Variants in MARK3 observed in about 807,000 individuals in gnomAD.
MARK3 encodes the protein MAP/microtubule affinity-regulating kinase 3.
A neutral mutation model predicts 90.1 loss-of-function variants in MARK3; 46 were observed. That is an observed-to-expected ratio of 0.51 (90% CI 0.40 to 0.65). The LOEUF (loss-of-function observed/expected upper bound fraction) is 0.65. MARK3 is among the 30% of genes least tolerant of loss of function. The pLI is 0.00. For synonymous variants in MARK3, 321 were observed against 332.6 expected (o/e 0.97, Z 0.38); for missense variants, 818 against 947.2 (o/e 0.86, Z 1.79).
At chr14:103,459,796 G>A (rs1296696282) in intron 6 of MARK3, among the ~76,000 whole-genome samples, 3 of 151,468 alleles carry the variant, frequency 2.0e-5, no homozygotes, top group Non-Finnish European at 4.4e-5. Flanking sequence ...TTACAGATGT[G>A]AGCCATCGTA....
In MARK3 at chr14:103,466,334, C is replaced by CT. The variant is rs1566894978; in HGVS notation, c.898-3dup. Reference sequence around the variant, plus strand: ...TTTACTCTGCTAATGAACAGTTTACCTTTTTTAGCAAATCATGAAGGACAG... The same window carrying CT: ...TTTACTCTGCTAATGAACAGTTTACCTTTTTTTAGCAAATCATGAAGGACAG... On this transcript the variant is annotated splice_polypyrimidine_tract_variant and intron_variant, in intron 9 of 17. Transcript: ENST00000429436. The CT allele has an allele frequency of 6.3e-7, 1 of 1,592,006 alleles. No individual in the cohort carries two copies. The highest frequency in any genetic ancestry group is 8.6e-7 in the Non-Finnish European group (1 of 1,163,188).
chr14:103,478,188 G>T (rs1220404244), intron 13 of MARK3, among the ~76,000 whole-genome samples: 1 of 151,594 alleles, frequency 6.6e-6, no homozygotes, highest in African/African-American at 2.4e-5. Context: ...CCAGCTACTC[G>T]GGAGGCTAAG....
chr14:103,475,939 T>C (rs571159516), intron 13 of MARK3, among the ~76,000 whole-genome samples: 178 of 146,226 alleles, frequency 1.2e-3, no homozygotes, highest in African/African-American at 4.3e-3. Flanking sequence ...CGAGACTCCT[T>C]CTCAAAAAAA....
Position 103,485,184 on chromosome 14 carries a change from T to G in MARK3, c.1586+4694T>G, listed in dbSNP as rs2093904526. Among the ~76,000 whole-genome samples, 5 of 143,640 alleles carry G rather than the reference T, an allele frequency of 3.5e-5. No homozygotes were observed. In the South Asian group the frequency reaches 9.3e-4, roughly 27 times the overall value. The allele number at this position is 143,640 out of a possible 152,430, so 94.2% of individuals were successfully genotyped here. A position where few individuals can be genotyped will look rare whatever the true frequency, so the allele number is the denominator to read the frequency against. Reference sequence around the variant, plus strand: ...GGCAGAGGTTGCGGTGAGCCAAGATTGCACCATTGCACTCCAGCCTGGGCA... The same window carrying G: ...GGCAGAGGTTGCGGTGAGCCAAGATGGCACCATTGCACTCCAGCCTGGGCA... On this transcript the variant is annotated intron_variant, in intron 14 of 17. Transcript: ENST00000429436.
At chr14:103,479,666 CTT>C in intron 13 of MARK3, among the ~76,000 whole-genome samples, 1 of 75,214 alleles carries the variant, frequency 1.3e-5, no homozygotes, top group East Asian at 4.0e-4. Context: ...GAGTTTTGCT[CTT>C]GTTACACAGG....
chr14:103,503,540 G>A lies in MARK3; in HGVS notation c.*313G>A. ...GTATGTGTGTGAAGTGGTGTATATG[G>A]AAGCATCTCCCTACACTGGCAGCCA... On this transcript the variant is annotated 3_prime_UTR_variant, in exon 18 of 18. Transcript: ENST00000429436. The A allele has an allele frequency of 3.2e-6, 1 of 316,180 alleles. No homozygotes were observed. The highest frequency in any genetic ancestry group is 6.6e-5 in the East Asian group (1 of 15,088). 19.6% of individuals were successfully genotyped at this position (316,180 alleles called of 1,614,324 possible). A position where few individuals can be genotyped will look rare whatever the true frequency, so the allele number is the denominator to read the frequency against.
At chr14:103,476,739 G>A (rs1221056290) in intron 13 of MARK3, among the ~76,000 whole-genome samples, 2 of 152,200 alleles carry the variant, frequency 1.3e-5, no homozygotes, top group African/African-American at 4.8e-5. Flanking sequence ...GTTGCTCTCT[G>A]AAAGCCCTTC....
At chr14:103,403,422 AAG>A (rs1217168759) in intron 1 of MARK3, among the ~76,000 whole-genome samples, 4 of 151,640 alleles carry the variant, frequency 2.6e-5, no homozygotes, top group East Asian at 1.9e-4. Flanking sequence ...GAAGATAAAA[AAG>A]AGAAATTTCC....
chr14:103,492,745 A>C (rs1358453177), intron 15 of MARK3, among the ~76,000 whole-genome samples: 1 of 152,126 alleles, frequency 6.6e-6, no homozygotes, highest in Non-Finnish European at 1.5e-5. Flanking sequence ...GGGTCCTTTG[A>C]GATTAACTTC....
Position 103,405,058 on chromosome 14 carries a change from G to A in MARK3, c.52-18G>A, listed in dbSNP as rs1231252428. ...TGTGTTCTCTCATTTCCTTATCTTT[G>A]TGTATGCTGTATTGCAGCACACGTC... On this transcript the variant is annotated intron_variant, in intron 1 of 17. Transcript: ENST00000429436. The A allele has an allele frequency of 2.5e-6, 4 of 1,602,870 alleles. No individual in the cohort carries two copies. The highest frequency in any genetic ancestry group is 2.6e-6 in the Non-Finnish European group (3 of 1,175,176).
intron 13 of MARK3, among the ~76,000 whole-genome samples, chr14:103,478,274 G>A (rs1208738802): frequency 1.2e-4 from 18 of 144,762 alleles, no homozygotes; most frequent in African/African-American, 4.4e-4. Flanking sequence ...CAGCCTGGGC[G>A]AAAAAGCGAG....
intron 1 of MARK3, among the ~76,000 whole-genome samples, chr14:103,403,512 G>C (rs6575983): frequency 0.63 from 96,255 of 151,868 alleles, 30,974 homozygotes; most frequent in East Asian, 0.86. Flanking sequence ...TTATTGAGTA[G>C]CAGTTTTGTA....
intron 12 of MARK3, among the ~76,000 whole-genome samples, chr14:103,473,367 G>A (rs1474246031): frequency 1.3e-5 from 2 of 152,114 alleles, no homozygotes; most frequent in African/African-American, 2.4e-5. Context: ...ATCTGAACGA[G>A]GTCAGTGGAT....
At chr14:103,485,934 T>C (rs568029249) in intron 14 of MARK3, among the ~76,000 whole-genome samples, 70 of 152,192 alleles carry the variant, frequency 4.6e-4, no homozygotes, top group African/African-American at 1.6e-3. Flanking sequence ...TTGGGAAGAT[T>C]AATAGGAACT....
intron 13 of MARK3, among the ~76,000 whole-genome samples, chr14:103,480,076 G>A (rs189136279): frequency 8.6e-5 from 13 of 150,834 alleles, no homozygotes; most frequent in Non-Finnish European, 1.9e-4. Flanking sequence ...AGCCGAGATC[G>A]CACCGCTGCA....
intron 2 of MARK3, among the ~76,000 whole-genome samples, chr14:103,407,470 A>G (rs2091372107): frequency 6.6e-6 from 1 of 150,698 alleles, no homozygotes; most frequent in Non-Finnish European, 1.5e-5. Context: ...CCCCGTTCCT[A>G]TTAATCAAAA....
chr14:103,465,539 T>C lies in MARK3; in HGVS notation c.541-18T>C. On this transcript the variant is annotated intron_variant, in intron 7 of 17. Transcript: ENST00000429436. ...ATTTTGGCTAAATTTCATTTTTGTC[T>C]TGATGTTTTCCCTCTAGGCTGAAAA... 2 of 1,555,400 alleles carry C rather than the reference T, an allele frequency of 1.3e-6. No homozygotes were observed. Among genetic ancestry groups the C allele is most frequent in the Non-Finnish European group, 1.8e-6 (2 of 1,126,618 alleles).
At chr14:103,442,173 C>T (rs185870899) in intron 3 of MARK3, among the ~76,000 whole-genome samples, 2 of 152,188 alleles carry the variant, frequency 1.3e-5, no homozygotes, top group African/African-American at 4.8e-5. Flanking sequence ...TTGAGACCAT[C>T]CTGGTGAACA....
intron 2 of MARK3, among the ~76,000 whole-genome samples, chr14:103,409,423 C>CGT (rs1223404060): frequency 2.7e-5 from 3 of 111,836 alleles, no homozygotes; most frequent in African/African-American, 3.7e-5. Context: ...ACATGTATCC[C>CGT]AGAACTTAAA....
Sources: allele counts gnomAD v4.1 joint callset (sites outside exome capture counted in the v4.1 genomes callset), GRCh38; gene constraint gnomAD v4.1.1; transcripts MANE v1.5; gene names NCBI Gene and HGNC (gene_info 2026-07-23, HGNC 2026-07-21).